The following ITPR1 variants were observed in gnomAD, a reference collection of about 807,000 sequenced individuals.
The protein encoded by ITPR1 is inositol 1,4,5-trisphosphate-gated calcium channel ITPR1.
ITPR1 carries 96 observed loss-of-function variants against 318.4 expected under a neutral mutation model. The ratio of observed to expected loss-of-function variants is 0.30; its 90% CI spans 0.26 to 0.36. The LOEUF is 0.36. Among genes scored for constraint, ITPR1 ranks in the 10% least tolerant of loss-of-function variants. ITPR1 has a pLI of 1.00. For missense variants in ITPR1, 2,440 were observed against 3,460.2 expected, an observed-to-expected ratio of 0.71 and a Z score of 7.40; for synonymous variants, 1,312 against 1,289.9, an observed-to-expected ratio of 1.02 and a Z score of -0.37.
intron 6 of ITPR1, among the ~76,000 whole-genome samples, chr3:4,640,686 T>C (rs1376242373): frequency 6.6e-6 from 1 of 152,266 alleles, no homozygotes; most frequent in African/African-American, 2.4e-5. Context: ...AATCTTGCCA[T>C]GTATCACTTT....
In ITPR1 at chr3:4,600,589, T is replaced by G. The variant is rs956362747; in HGVS notation, c.164-27174T>G. 2.0e-5 allele frequency among the ~76,000 whole-genome samples: 3 copies of G among 152,298 alleles called. No individual in the cohort carries two copies. The East Asian group carries it at 5.8e-4, about 29-fold the overall frequency. On this transcript the variant is annotated intron_variant, in intron 4 of 61. Coordinates refer to ENST00000649015, the MANE Select transcript of ITPR1 (RefSeq NM_001378452.1). ...CTAAATTGAGAACATTTTCCTGGCA[T>G]TTGTCAAATATATGTGAATGTTTGT...
At chr3:4,810,335 ATTCTCCCAGTCAAGTATCTGTGACTG>A (rs2048853734) in intron 55 of ITPR1, among the ~76,000 whole-genome samples, 1 of 152,070 alleles carries the variant, frequency 6.6e-6, no homozygotes, top group African/African-American at 2.4e-5. Context: ...ACTCCCCACC[ATTCTCCCAGTCAAGTATCTGTGACTG>A]TAGCTCTTGG....
intron 53 of ITPR1, 178 bp from the exon 54 acceptor site, chr3:4,800,247 G>C (rs571430817): frequency 1.8e-6 from 1 of 568,242 alleles, no homozygotes; most frequent in South Asian, 2.5e-5. Context: ...GTGGAGGCTT[G>C]GAGGTCAAAA....
chr3:4,589,910 C>T (rs2090245819), intron 4 of ITPR1, among the ~76,000 whole-genome samples: 1 of 152,158 alleles, frequency 6.6e-6, no homozygotes. Flanking sequence ...TGGAAGTGGG[C>T]CTATCTCGGG....
intron 17 of ITPR1, 119 bp downstream of exon 17, chr3:4,665,415 T>G (rs938108760): frequency 1.1e-6 from 1 of 871,586 alleles, no homozygotes. Flanking sequence ...AATAGTTCAG[T>G]GTTGAGCTTG....
intron 61 of ITPR1, among the ~76,000 whole-genome samples, chr3:4,843,893 A>G (rs1205058084): frequency 6.6e-6 from 1 of 152,202 alleles, no homozygotes; most frequent in Admixed American, 6.5e-5. Context: ...GTTGAAGAGA[A>G]AGACTAACTG....
chr3:4,676,681 A>T lies in ITPR1; in HGVS notation c.2847A>T (p.Gly949=). The T allele has an allele frequency of 5.0e-6, 8 of 1,613,586 alleles. No individual in the cohort carries two copies. The highest frequency in any genetic ancestry group is 5.9e-6 in the Non-Finnish European group (7 of 1,179,778). Residue 949 remains glycine, a synonymous_variant, in exon 24 of 62, where the codon GGA becomes GGT. Coordinates refer to ENST00000649015, the MANE Select transcript of ITPR1 (RefSeq NM_001378452.1). Reference sequence around the variant, plus strand: ...TGACCCAGGTGGTGCTCCGGGGAGGAGGCTTTTTGCCCATGACTCCCATGG... The same window carrying T: ...TGACCCAGGTGGTGCTCCGGGGAGGTGGCTTTTTGCCCATGACTCCCATGG... ...ELMTQVVLRG[G]GFLPMTPMAA...
At chr3:4,681,604 TGAGA>T (rs199705361) in intron 26 of ITPR1, among the ~76,000 whole-genome samples, 186 bp downstream of exon 26, 9 of 99,228 alleles carry the variant, frequency 9.1e-5, no homozygotes, top group African/African-American at 2.7e-4. Flanking sequence ...AGAGAGAGAG[TGAGA>T]GAGAGAGAGA....
chr3:4,739,372 G>T (rs1412202450), intron 44 of ITPR1, among the ~76,000 whole-genome samples: 1 of 152,178 alleles, frequency 6.6e-6, no homozygotes, highest in Non-Finnish European at 1.5e-5. Flanking sequence ...TGGTCAGCTG[G>T]CCTTCTTGAG....
At position 4,565,672 on chromosome 3, in the gene ITPR1, A is replaced by G. The variant is rs147808031; in HGVS notation, c.163+44578A>G. On this transcript the variant is annotated intron_variant, in intron 4 of 61. Coordinates refer to ENST00000649015, the MANE Select transcript of ITPR1 (RefSeq NM_001378452.1). The stretch of plus-strand genomic sequence containing the variant: ...TTGTCTCCCCAAGACGAAGGTCGGA[A>G]TGGCTACTAATTCTCTTTTGAACTA... 6.4e-3 allele frequency among the ~76,000 whole-genome samples: 976 copies of G among 152,300 alleles called. 8 individuals are homozygous for G. Among genetic ancestry groups the G allele is most frequent in the African/African-American group, 0.023 (941 of 41,556 alleles).
intron 4 of ITPR1, among the ~76,000 whole-genome samples, chr3:4,568,200 G>T (rs2087579895): frequency 2.0e-5 from 3 of 152,190 alleles, no homozygotes; most frequent in Admixed American, 1.3e-4. Context: ...TGATGTTGTT[G>T]TGGAGAACCT....
intron 4 of ITPR1, among the ~76,000 whole-genome samples, chr3:4,623,650 G>T (rs12487945): frequency 0.29 from 43,845 of 151,898 alleles, 6,423 homozygotes; most frequent in South Asian, 0.32. Flanking sequence ...GCTCTGCTGT[G>T]CCATCCAAAT....
At chr3:4,669,832 A>C (rs945304841) in intron 19 of ITPR1, 59 bp downstream of exon 19, 2 of 1,484,544 alleles carry the variant, frequency 1.3e-6, no homozygotes, top group South Asian at 1.4e-5. Flanking sequence ...GTTGGTGCTC[A>C]TGAGGAATAA....
intron 33 of ITPR1, among the ~76,000 whole-genome samples, chr3:4,694,612 G>A (rs1356614477): frequency 6.6e-6 from 1 of 152,120 alleles, no homozygotes; most frequent in Non-Finnish European, 1.5e-5. Flanking sequence ...ATATGGTACA[G>A]CCTCTTGCTT....
chr3:4,646,993 G>A (rs185152373), intron 10 of ITPR1, among the ~76,000 whole-genome samples: 3 of 152,076 alleles, frequency 2.0e-5, no homozygotes, highest in Admixed American at 1.3e-4. Context: ...TTACGTATAC[G>A]TTCAGCCATG....
chr3:4,620,205 A>G (rs986729811), intron 4 of ITPR1, among the ~76,000 whole-genome samples: 11 of 152,112 alleles, frequency 7.2e-5, no homozygotes, highest in Non-Finnish European at 1.5e-4. Flanking sequence ...TCACCATCCC[A>G]GGTGTGGATT....
At chr3:4,714,627 A>C (rs1055009495) in intron 39 of ITPR1, among the ~76,000 whole-genome samples, 1 of 152,184 alleles carries the variant, frequency 6.6e-6, no homozygotes, top group Non-Finnish European at 1.5e-5. Flanking sequence ...GCCTCTCCTG[A>C]GGTGGTGTCC....
chr3:4,718,351 T>A (rs1340660749), intron 40 of ITPR1, among the ~76,000 whole-genome samples: 1 of 152,220 alleles, frequency 6.6e-6, no homozygotes, highest in African/African-American at 2.4e-5. Flanking sequence ...GTAGACCAAC[T>A]AATGCCTTTA....
At chr3:4,771,484 C>T (rs1266200049) in intron 46 of ITPR1, among the ~76,000 whole-genome samples, 2 of 152,216 alleles carry the variant, frequency 1.3e-5, no homozygotes, top group African/African-American at 2.4e-5. Flanking sequence ...CTCGCCCACA[C>T]ACCCACTTCC....
Sources: gnomAD v4.1 joint callset for allele counts (sites outside exome capture counted in the v4.1 genomes callset) on GRCh38, gnomAD v4.1.1 for gene constraint, MANE v1.5 for transcripts, NCBI Gene and HGNC (gene_info 2026-07-23, HGNC 2026-07-21) for gene names.